ERC1: variants seen among roughly 807,000 people sequenced by gnomAD.
ERC1 encodes the protein ELKS/RAB6-interacting/CAST family member 1, also known as RAB6 interacting protein 2.
A neutral mutation model predicts 132.0 loss-of-function variants in ERC1; 56 were observed. That is an observed-to-expected ratio of 0.42 (90% CI 0.34 to 0.53). The LOEUF (loss-of-function observed/expected upper bound fraction) is 0.53. ERC1 is among the 20% of genes least tolerant of loss of function. ERC1 has a pLI of 0.03. For synonymous variants in ERC1, 478 were observed against 476.1 expected, an observed-to-expected ratio of 1.00 and a Z score of -0.05; for missense variants, 1,202 against 1,349.9, an observed-to-expected ratio of 0.89 and a Z score of 1.72.
intron 17 of ERC1, among the ~76,000 whole-genome samples, chr12:1,440,926 A>G (rs180791229): frequency 2.1e-3 from 320 of 152,064 alleles, no homozygotes; most frequent in African/African-American, 7.4e-3. Context: ...AATTACAGGC[A>G]TGAGCCACCA....
Position 1,378,672 on chromosome 12 carries a change from T to G in ERC1, c.2925+6695T>G, listed in dbSNP as rs149426737. ...TGTAATGGTCAGCCAGAGAGACATG[T>G]GTCTAGTCAGTTTTATTAACTACTT... On this transcript the variant is annotated intron_variant, in intron 16 of 18. Coordinates refer to ENST00000360905, the MANE Select transcript of ERC1 (RefSeq NM_178040.4). Among the ~76,000 whole-genome samples the G allele has an allele frequency of 4.5e-3, 691 of 152,318 alleles. 1 individual carries two copies. Among genetic ancestry groups the G allele is most frequent in the Non-Finnish European group, 7.2e-3 (488 of 68,012 alleles).
At chr12:1,215,414 C>T (rs1958305979) in intron 12 of ERC1, among the ~76,000 whole-genome samples, 1 of 152,144 alleles carries the variant, frequency 6.6e-6, no homozygotes, top group Non-Finnish European at 1.5e-5. Flanking sequence ...GCACTGTGAG[C>T]AGCAATTTAA....
chr12:1,247,548 T>C (rs1465622280), intron 13 of ERC1, among the ~76,000 whole-genome samples: 1 of 152,234 alleles, frequency 6.6e-6, no homozygotes, highest in Non-Finnish European at 1.5e-5. Context: ...CACTTTGCCA[T>C]CTCTTTGAAA....
chr12:1,424,733 T>C (rs576528360), intron 17 of ERC1, among the ~76,000 whole-genome samples: 1 of 152,046 alleles, frequency 6.6e-6, no homozygotes, highest in African/African-American at 2.4e-5. Context: ...CTGAAGTAAT[T>C]GCCTGTGATT....
chr12:1,238,199 G>C (rs1341410865), intron 13 of ERC1, among the ~76,000 whole-genome samples: 2 of 148,570 alleles, frequency 1.3e-5, no homozygotes, highest in Non-Finnish European at 3.0e-5. Context: ...TCTGATGAGT[G>C]GTAAATATTT....
rs1016846079 is a variant in ERC1, at chr12:1,482,248, C to A, written c.3214-7845C>A. ...AGTGCCTTTCCTCCTTTGTGCCTCA[C>A]CTCATACTGTGTTTCCATTTGAACT... On this transcript the variant is annotated intron_variant, in intron 18 of 18. Transcript: ENST00000360905. Among the ~76,000 whole-genome samples, 4 of 152,102 alleles carry A rather than the reference C, an allele frequency of 2.6e-5. No homozygotes were observed. The East Asian group carries it at 5.8e-4, about 22-fold the overall frequency.
intron 12 of ERC1, among the ~76,000 whole-genome samples, chr12:1,230,406 T>C (rs889314154): frequency 6.6e-6 from 1 of 152,228 alleles, no homozygotes; most frequent in Non-Finnish European, 1.5e-5. Context: ...CCTCCTATTA[T>C]TGATTTCTAA....
At chr12:1,011,235 G>A (rs567287091) in intron 1 of ERC1, among the ~76,000 whole-genome samples, 8 of 152,040 alleles carry the variant, frequency 5.3e-5, no homozygotes, top group African/African-American at 1.2e-4. Flanking sequence ...GTCTCACTCC[G>A]TCACCCAGGC....
At chr12:1,014,858 G>T (rs1965268088) in intron 1 of ERC1, among the ~76,000 whole-genome samples, 1 of 149,836 alleles carries the variant, frequency 6.7e-6, no homozygotes, top group Non-Finnish European at 1.5e-5. Flanking sequence ...CCGTCTCCCA[G>T]GTTGAAGTGA....
chr12:1,453,701 G>A (rs947640564), intron 18 of ERC1, among the ~76,000 whole-genome samples: 18 of 152,148 alleles, frequency 1.2e-4, no homozygotes, highest in African/African-American at 4.3e-4. Flanking sequence ...TTTATTGTGT[G>A]TGATTGTATC....
At chr12:1,419,864 CA>C (rs61705685) in intron 17 of ERC1, among the ~76,000 whole-genome samples, 103,163 of 136,874 alleles carry the variant, frequency 0.75, 39,740 homozygotes, top group East Asian at 0.85. Context: ...GATTTTCTGG[CA>C]AAAAAAAAAA....
chr12:1,428,204 T>C (rs912377848), intron 17 of ERC1, among the ~76,000 whole-genome samples: 2 of 152,222 alleles, frequency 1.3e-5, no homozygotes, highest in African/African-American at 4.8e-5. Flanking sequence ...AGTATCTTTG[T>C]ACTTTGTACA....
At chr12:1,128,278 C>T (rs868638728) in intron 7 of ERC1, among the ~76,000 whole-genome samples, 7 of 152,066 alleles carry the variant, frequency 4.6e-5, no homozygotes, top group East Asian at 1.9e-4. Context: ...GATTAAAGGA[C>T]GGACTGAGAG....
At chr12:1,317,524 C>T (rs113841664) in intron 15 of ERC1, among the ~76,000 whole-genome samples, 3,556 of 152,140 alleles carry the variant, frequency 0.023, 132 homozygotes, top group African/African-American at 0.081. Context: ...ACGTTCTGCA[C>T]GTGTATCCCA....
At chr12:1,456,186 G>A (rs532758229) in intron 18 of ERC1, among the ~76,000 whole-genome samples, 3 of 152,304 alleles carry the variant, frequency 2.0e-5, no homozygotes, top group East Asian at 3.9e-4. Context: ...AATTTGGGGC[G>A]TAATATTGTT....
chr12:1,223,985 A>G (rs1196209473), intron 12 of ERC1, among the ~76,000 whole-genome samples: 1 of 152,192 alleles, frequency 6.6e-6, no homozygotes, highest in Non-Finnish European at 1.5e-5. Context: ...CTAGATGTTA[A>G]TCTACTTATA....
At chr12:1,164,345 A>ATTTTG (rs1476654916) in intron 8 of ERC1, among the ~76,000 whole-genome samples, 2 of 138,656 alleles carry the variant, frequency 1.4e-5, no homozygotes, top group Non-Finnish European at 3.2e-5. Flanking sequence ...ATGTTATTTT[A>ATTTTG]TGTTATTTTA....
chr12:1,000,600 TAA>T (rs1962043466), intron 1 of ERC1, among the ~76,000 whole-genome samples: 1 of 150,374 alleles, frequency 6.7e-6, no homozygotes, highest in Non-Finnish European at 1.5e-5. Context: ...CCGTCTCTAC[TAA>T]AAATACAAAA....
At chr12:1,239,191 C>T (rs1464472568) in intron 13 of ERC1, among the ~76,000 whole-genome samples, 1 of 152,174 alleles carries the variant, frequency 6.6e-6, no homozygotes, top group Non-Finnish European at 1.5e-5. Context: ...CTGTCTCAGC[C>T]TCCCAAGTAG....
Sources: allele counts gnomAD v4.1 joint callset (sites outside exome capture counted in the v4.1 genomes callset), GRCh38; gene constraint gnomAD v4.1.1; transcripts MANE v1.5; gene names NCBI Gene and HGNC (gene_info 2026-07-23, HGNC 2026-07-21).